AGPAT5: variants seen among roughly 807,000 people sequenced by gnomAD.
The protein encoded by AGPAT5 is 1-acyl-sn-glycerol-3-phosphate acyltransferase epsilon.
In AGPAT5, 46 loss-of-function variants were observed where a neutral mutation model predicts 45.6. The observed-to-expected ratio is 1.01, with a 90% CI of 0.80 to 1.29. The LOEUF is 1.29. AGPAT5 is among the 50% of genes most tolerant of loss of function. The probability of loss-of-function intolerance (pLI) is 0.00; values close to 1 mark genes in which losing one functional copy is unlikely to be tolerated. For synonymous variants in AGPAT5, 272 were observed against 167.0 expected (o/e 1.63, Z -4.85); for missense variants, 673 against 450.7 (o/e 1.49, Z -4.47).
chr8:6,759,955 G>C lies in AGPAT5; in HGVS notation c.*2567G>C, dbSNP rs1801976771. On this transcript the variant is annotated 3_prime_UTR_variant, in exon 8 of 8. Transcript: ENST00000285518. ...ATGTCAAATGCCTTAAATTAACTAA[G>C]TTGGTGAATAAAAGTGCCGATCTGG... 6.6e-6 allele frequency among the ~76,000 whole-genome samples: 1 copy of C among 152,152 alleles called. No individual in the cohort carries two copies. Among genetic ancestry groups the C allele is most frequent in the African/African-American group, 2.4e-5 (1 of 41,428 alleles).
At chr8:6,727,598 C>G (rs186600147) in intron 2 of AGPAT5, among the ~76,000 whole-genome samples, 1 of 152,316 alleles carries the variant, frequency 6.6e-6, no homozygotes, top group East Asian at 1.9e-4. Context: ...TCAGGCTGGT[C>G]TTGAACTCCT....
intron 5 of AGPAT5, among the ~76,000 whole-genome samples, chr8:6,743,015 T>TA (rs931434526): frequency 6.6e-6 from 1 of 152,262 alleles, no homozygotes; most frequent in Non-Finnish European, 1.5e-5. Flanking sequence ...ATCTGTAGTC[T>TA]ACCTTTGTTG....
intron 1 of AGPAT5, chr8:6,709,241 T>A (rs1800053376): frequency 2.9e-6 from 1 of 340,584 alleles, no homozygotes; most frequent in East Asian, 9.0e-5. Context: ...GGTGGTCATG[T>A]TGGAACAGAT....
intron 5 of AGPAT5, chr8:6,746,092 C>G (rs952254475): frequency 1.6e-5 from 2 of 122,690 alleles, no homozygotes; most frequent in African/African-American, 6.5e-5. Context: ...CTCCCTCCCT[C>G]TCTTCCTTCT....
chr8:6,737,323 A>T (rs948542382), intron 4 of AGPAT5, among the ~76,000 whole-genome samples: 18 of 152,200 alleles, frequency 1.2e-4, no homozygotes, highest in Non-Finnish European at 2.6e-4. Context: ...TCTGAAGGTG[A>T]ATTAAGTAAG....
At chr8:6,737,006 T>G (rs1311228517) in intron 4 of AGPAT5, among the ~76,000 whole-genome samples, 5 of 152,270 alleles carry the variant, frequency 3.3e-5, no homozygotes, top group Non-Finnish European at 5.9e-5. Flanking sequence ...TGGGTACTTT[T>G]AAAATAATGT....
chr8:6,734,062 A>T (rs1587031615), intron 4 of AGPAT5, among the ~76,000 whole-genome samples: 1 of 152,164 alleles, frequency 6.6e-6, no homozygotes, highest in South Asian at 2.1e-4. Flanking sequence ...TCTGAGTGTC[A>T]TTTAAAAATT....
intron 1 of AGPAT5, among the ~76,000 whole-genome samples, chr8:6,712,486 G>A (rs1800187265): frequency 6.6e-6 from 1 of 152,054 alleles, no homozygotes; most frequent in Non-Finnish European, 1.5e-5. Flanking sequence ...TGGTTTGTTT[G>A]CCACTTAAAA....
chr8:6,722,715 A>G (rs1011675525), intron 1 of AGPAT5, among the ~76,000 whole-genome samples: 15 of 152,228 alleles, frequency 9.9e-5, no homozygotes, highest in African/African-American at 3.4e-4. Flanking sequence ...AGTGTGTGCA[A>G]GATAAATAAG....
chr8:6,724,557 T>C (rs1038960317), intron 1 of AGPAT5, among the ~76,000 whole-genome samples: 5 of 152,366 alleles, frequency 3.3e-5, no homozygotes, highest in Non-Finnish European at 7.3e-5. Flanking sequence ...GATTGTGGGC[T>C]CTTTGAAGGA....
At chr8:6,721,568 CA>C (rs1800499980) in intron 1 of AGPAT5, among the ~76,000 whole-genome samples, 1 of 152,206 alleles carries the variant, frequency 6.6e-6, no homozygotes, top group South Asian at 2.1e-4. Flanking sequence ...ACTCATTTTA[CA>C]GGCAAAGAAA....
At chr8:6,743,804 A>G (rs1042061205) in intron 5 of AGPAT5, among the ~76,000 whole-genome samples, 1 of 151,702 alleles carries the variant, frequency 6.6e-6, no homozygotes, top group Non-Finnish European at 1.5e-5. Context: ...GGTTAAAACC[A>G]TAGTTGCTAG....
chr8:6,715,459 A>G (rs1417642641), intron 1 of AGPAT5, among the ~76,000 whole-genome samples: 2 of 152,168 alleles, frequency 1.3e-5, no homozygotes. Context: ...TTAGTAACAC[A>G]CTCAGTCGCA....
chr8:6,718,741 A>G (rs1800409843), intron 1 of AGPAT5, among the ~76,000 whole-genome samples: 1 of 152,212 alleles, frequency 6.6e-6, no homozygotes, highest in Admixed American at 6.5e-5. Context: ...TGTTCAGACT[A>G]AACTTGGAGA....
chr8:6,710,704 G>C (rs1800128814), intron 1 of AGPAT5, among the ~76,000 whole-genome samples: 1 of 152,148 alleles, frequency 6.6e-6, no homozygotes, highest in African/African-American at 2.4e-5. Flanking sequence ...TGTACACAAA[G>C]CTACCTTTCA....
chr8:6,757,067 A>G lies in AGPAT5; in HGVS notation c.870-96A>G, dbSNP rs528047025. ...TCATCCTTATTTTCCAGGGACCTGC[A>G]TAACTTTTCCAGCGTGTAATAGCTA... On this transcript the variant is annotated intron_variant, in intron 7 of 7. Coordinates refer to ENST00000285518, the MANE Select transcript of AGPAT5 (RefSeq NM_018361.5). 4 of 876,900 alleles carry G rather than the reference A, an allele frequency of 4.6e-6. No individual in the cohort carries two copies. In the South Asian group the frequency reaches 5.4e-5, roughly 12 times the overall value. The allele number at this position is 876,900 out of a possible 1,614,324, so 54.3% of individuals were successfully genotyped here.
intron 6 of AGPAT5, among the ~76,000 whole-genome samples, chr8:6,748,342 A>G (rs908447661): frequency 6.6e-6 from 1 of 152,236 alleles, no homozygotes; most frequent in African/African-American, 2.4e-5. Flanking sequence ...TTAAGTGAGC[A>G]GGATAACTTA....
intron 5 of AGPAT5, among the ~76,000 whole-genome samples, chr8:6,744,680 A>G (rs1055289896): frequency 5.3e-5 from 8 of 152,288 alleles, no homozygotes; most frequent in African/African-American, 1.9e-4. Flanking sequence ...CACACCATAT[A>G]GCTGACTCTG....
At chr8:6,742,528 T>C (rs1414179195) in intron 5 of AGPAT5, among the ~76,000 whole-genome samples, 1 of 152,196 alleles carries the variant, frequency 6.6e-6, no homozygotes, top group Non-Finnish European at 1.5e-5. Context: ...TTGGTGACAT[T>C]ACAGCAGGGC....
Sources: gnomAD v4.1 joint callset for allele counts (sites outside exome capture counted in the v4.1 genomes callset) on GRCh38, gnomAD v4.1.1 for gene constraint, MANE v1.5 for transcripts, NCBI Gene and HGNC (gene_info 2026-07-23, HGNC 2026-07-21) for gene names.